The following MACROD2 variants were observed in gnomAD, a reference collection of about 807,000 sequenced individuals.
MACROD2 encodes ADP-ribose glycohydrolase MACROD2.
In MACROD2, 36 loss-of-function variants were observed where a neutral mutation model predicts 70.4. The observed-to-expected ratio is 0.51, with a 90% CI of 0.39 to 0.68. The LOEUF is 0.68. MACROD2 is among the 30% of genes least tolerant of loss of function. The probability of loss-of-function intolerance (pLI) is 0.00; values close to 1 mark genes in which losing one functional copy is unlikely to be tolerated. For synonymous variants in MACROD2, 172 were observed against 178.8 expected (o/e 0.96, Z 0.30); for missense variants, 496 against 538.4 (o/e 0.92, Z 0.78).
intron 5 of MACROD2, among the ~76,000 whole-genome samples, chr20:15,193,913 A>G (rs1446473102): frequency 6.6e-6 from 1 of 151,884 alleles, no homozygotes; most frequent in Non-Finnish European, 1.5e-5. Context: ...TCCATGCTTC[A>G]ATTGGGGGAG....
chr20:15,904,857 C>T (rs1475878766), intron 10 of MACROD2, among the ~76,000 whole-genome samples: 1 of 135,232 alleles, frequency 7.4e-6, no homozygotes, highest in African/African-American at 2.8e-5. Context: ...CTCCAGCCTG[C>T]GCGAAAGAGA....
Position 14,041,654 on chromosome 20 carries a change from A to C in MACROD2, c.163+39250A>C, listed in dbSNP as rs2053392346. On this transcript the variant is annotated intron_variant, in intron 2 of 17. Transcript: ENST00000684519. ...AAACCATTAGTATTGAACAGCTTGT[A>C]CTACACATAGGGGAAAGTATCTGGT... Among the ~76,000 whole-genome samples the C allele has an allele frequency of 1.3e-5, 2 of 152,192 alleles. 1 individual carries two copies. Among genetic ancestry groups the C allele is most frequent in the South Asian group, 4.1e-4 (2 of 4,834 alleles).
Position 14,625,200 on chromosome 20 carries a change from G to A in MACROD2, c.302-59643G>A, listed in dbSNP as rs556454112. Among the ~76,000 whole-genome samples, 16 of 152,100 alleles carry A rather than the reference G, an allele frequency of 1.1e-4. No homozygotes were observed. In the East Asian group the frequency reaches 1.9e-3, roughly 18 times the overall value. ...TAATTAGCTAGGCATGGTGGCAGGC[G>A]CCTGTAATCCCAGCTACTCGAGAGG... On this transcript the variant is annotated intron_variant, in intron 4 of 17. Coordinates refer to ENST00000684519, the MANE Select transcript of MACROD2 (RefSeq NM_001351661.2).
chr20:15,814,528 G>C (rs1293154219), intron 8 of MACROD2, among the ~76,000 whole-genome samples: 2 of 152,058 alleles, frequency 1.3e-5, no homozygotes, highest in Non-Finnish European at 2.9e-5. Context: ...GCCTCTCTGT[G>C]TTACTTCACC....
chr20:14,169,867 C>G (rs1371831323), intron 3 of MACROD2, among the ~76,000 whole-genome samples: 1 of 152,058 alleles, frequency 6.6e-6, no homozygotes, highest in Non-Finnish European at 1.5e-5. Flanking sequence ...ATCCTCTCTT[C>G]TTAAGAGGTT....
At chr20:14,029,482 G>C (rs1313347178) in intron 2 of MACROD2, among the ~76,000 whole-genome samples, 1 of 152,146 alleles carries the variant, frequency 6.6e-6, no homozygotes, top group Non-Finnish European at 1.5e-5. Context: ...TTTAGAAAAA[G>C]AAAGGATATG....
chr20:14,273,177 T>C (rs1429812218), intron 3 of MACROD2, among the ~76,000 whole-genome samples: 1 of 152,118 alleles, frequency 6.6e-6, no homozygotes, highest in African/African-American at 2.4e-5. Context: ...CCACCCCAAA[T>C]CAACAGAATG....
At chr20:14,275,385 A>T (rs1331477649) in intron 3 of MACROD2, among the ~76,000 whole-genome samples, 1 of 152,112 alleles carries the variant, frequency 6.6e-6, no homozygotes, top group Non-Finnish European at 1.5e-5. Flanking sequence ...TGGGGAAAGG[A>T]TTCCCTATTT....
At chr20:14,363,021 A>G (rs2083237801) in intron 3 of MACROD2, among the ~76,000 whole-genome samples, 1 of 152,110 alleles carries the variant, frequency 6.6e-6, no homozygotes, top group African/African-American at 2.4e-5. Flanking sequence ...GCCGTCTGAC[A>G]CCTGTTTATT....
chr20:14,759,706 CA>C (rs1363229055), intron 5 of MACROD2, among the ~76,000 whole-genome samples: 1 of 151,902 alleles, frequency 6.6e-6, no homozygotes, highest in African/African-American at 2.4e-5. Flanking sequence ...AAGGCTAAGA[CA>C]AAAATGGTAT....
intron 8 of MACROD2, among the ~76,000 whole-genome samples, chr20:15,677,687 CCAACCAACCAACCAA>C (rs764641945): frequency 0.068 from 1,338 of 19,542 alleles, 12 homozygotes; most frequent in African/African-American, 0.27. Context: ...AACCAACCAA[CCAACCAACCAACCAA>C]CCAAATACAT....
chr20:14,113,643 C>T (rs954026622), intron 3 of MACROD2, among the ~76,000 whole-genome samples: 1 of 152,140 alleles, frequency 6.6e-6, no homozygotes, highest in Non-Finnish European at 1.5e-5. Flanking sequence ...TAATCCAGTT[C>T]GTTTGGCAAC....
intron 6 of MACROD2, among the ~76,000 whole-genome samples, chr20:15,248,956 A>G (rs541209382): frequency 5.9e-5 from 9 of 152,222 alleles, no homozygotes; most frequent in Non-Finnish European, 1.2e-4. Flanking sequence ...AGGAAGCTCC[A>G]TGAGGGAGTA....
chr20:14,550,057 G>A (rs1304616875), intron 4 of MACROD2, among the ~76,000 whole-genome samples: 2 of 151,628 alleles, frequency 1.3e-5, no homozygotes, highest in African/African-American at 2.4e-5. Context: ...TGAGTAGCTG[G>A]GATTACAGGC....
intron 8 of MACROD2, among the ~76,000 whole-genome samples, chr20:15,554,075 T>C (rs2048132973): frequency 6.6e-6 from 1 of 152,154 alleles, no homozygotes. Context: ...TGAGAAATAA[T>C]GGCAAGAATG....
chr20:14,649,319 A>G (rs925589869), intron 4 of MACROD2, among the ~76,000 whole-genome samples: 2 of 152,198 alleles, frequency 1.3e-5, no homozygotes, highest in South Asian at 2.1e-4. Context: ...CAAAGATGGC[A>G]TAGTCAATTT....
At chr20:14,049,930 A>T (rs1273936424) in intron 2 of MACROD2, among the ~76,000 whole-genome samples, 2 of 151,670 alleles carry the variant, frequency 1.3e-5, no homozygotes, top group East Asian at 3.9e-4. Context: ...CTAAAAATAC[A>T]AAAATTAGCT....
intron 5 of MACROD2, among the ~76,000 whole-genome samples, chr20:14,944,131 T>C (rs902368752): frequency 6.6e-6 from 1 of 152,092 alleles, no homozygotes; most frequent in African/African-American, 2.4e-5. Context: ...CTGCTCTCCT[T>C]ACCCCTAACT....
rs576414689 is a variant in MACROD2, at chr20:15,359,055, C to T, written c.541-72350C>T. ...GAAATAATTTTATGTTAGGGGCCTA[C>T]GGAAGTGAAAGCTTTATTAGCAACA... On this transcript the variant is annotated intron_variant, in intron 6 of 17. Coordinates refer to ENST00000684519, the MANE Select transcript of MACROD2 (RefSeq NM_001351661.2). 3.7e-3 allele frequency among the ~76,000 whole-genome samples: 570 copies of T among 152,142 alleles called. 1 individual carries two copies. Among genetic ancestry groups the T allele is most frequent in the Non-Finnish European group, 5.1e-3 (346 of 67,996 alleles).
Sources: gnomAD v4.1 joint callset for allele counts (sites outside exome capture counted in the v4.1 genomes callset) on GRCh38, gnomAD v4.1.1 for gene constraint, MANE v1.5 for transcripts, NCBI Gene and HGNC (gene_info 2026-07-23, HGNC 2026-07-21) for gene names.